The following GPATCH2L variants were observed in gnomAD, a reference collection of about 807,000 sequenced individuals.
GPATCH2L encodes G-patch domain containing 2 like, also known as G patch domain-containing protein 2-like.
In GPATCH2L, 31 loss-of-function variants were observed where a neutral mutation model predicts 57.4. The ratio of observed to expected loss-of-function variants is 0.54; its 90% CI spans 0.41 to 0.73. GPATCH2L has a LOEUF of 0.73. Ranked by LOEUF, GPATCH2L falls within the 30% of genes least tolerant of loss-of-function variation. The pLI, the probability that GPATCH2L is intolerant of heterozygous loss-of-function variation, is 0.00. For synonymous variants in GPATCH2L, 199 were observed against 210.7 expected (o/e 0.94, Z 0.48); for missense variants, 481 against 599.9 (o/e 0.80, Z 2.07).
chr14:76,172,281 A>G (rs2039121042), intron 4 of GPATCH2L, among the ~76,000 whole-genome samples: 1 of 152,252 alleles, frequency 6.6e-6, no homozygotes, highest in African/African-American at 2.4e-5. Context: ...CGTTTGTGCC[A>G]GATTTAGTGA....
intron 2 of GPATCH2L, among the ~76,000 whole-genome samples, chr14:76,165,419 G>A (rs1046684740): frequency 2.0e-5 from 3 of 151,250 alleles, no homozygotes; most frequent in Non-Finnish European, 2.9e-5. Context: ...TTGAACCTGG[G>A]TGGTGGAGGT....
intron 1 of GPATCH2L, among the ~76,000 whole-genome samples, chr14:76,224,958 T>C (rs2040530690): frequency 6.6e-6 from 1 of 152,088 alleles, no homozygotes; most frequent in Non-Finnish European, 1.5e-5. Flanking sequence ...ATGGAAAGCA[T>C]TACAGAGGAA....
intron 3 of GPATCH2L, 141 bp downstream of exon 3, chr14:76,166,868 G>A: frequency 1.5e-6 from 1 of 676,890 alleles, no homozygotes; most frequent in Non-Finnish European, 2.7e-6. Context: ...GTCACCTAGG[G>A]AACTGTTAAA....
chr14:76,177,766 T>C, intron 6 of GPATCH2L: 1 of 614,662 alleles, frequency 1.6e-6, no homozygotes, highest in South Asian at 1.9e-5. Context: ...TCTGATTACA[T>C]CTTTTCTCTA....
intron 1 of GPATCH2L, chr14:76,153,815 C>A (rs1344426219): frequency 6.6e-6 from 1 of 152,264 alleles, no homozygotes; most frequent in Non-Finnish European, 1.5e-5. Context: ...CTTTCTGTTT[C>A]TTTCTGCCAT....
Position 76,207,642 on chromosome 14 carries a change from T to G in GPATCH2L, c.*5791T>G, listed in dbSNP as rs2040394354. On this transcript the variant is annotated 3_prime_UTR_variant, in exon 10 of 10. Transcript: ENST00000261530. ...CTGAATCTCAGTACTTCAGAGCATGTAAAAATCAATTTTCTGTGATCCCAC... is the reference window on the plus strand; with the variant it reads ...CTGAATCTCAGTACTTCAGAGCATGGAAAAATCAATTTTCTGTGATCCCAC... The G allele has an allele frequency of 6.6e-6, 1 of 152,236 alleles. No individual in the cohort carries two copies. The highest frequency in any genetic ancestry group is 6.5e-5 in the Admixed American group (1 of 15,284). The allele number at this position is 152,236 out of a possible 1,614,324, so 9.4% of individuals were successfully genotyped here. A position where few individuals can be genotyped will look rare whatever the true frequency, so the allele number is the denominator to read the frequency against.
At chr14:76,166,500 T>C (rs1243330567) in intron 2 of GPATCH2L, among the ~76,000 whole-genome samples, 163 bp from the exon 3 acceptor site, 1 of 152,196 alleles carries the variant, frequency 6.6e-6, no homozygotes, top group Non-Finnish European at 1.5e-5. Flanking sequence ...TTCTTTTGTT[T>C]GGGGAGGAAA....
chr14:76,195,956 G>A lies in GPATCH2L; in HGVS notation c.1272G>A (p.Leu424=). 6.2e-7 allele frequency: 1 copy of A among 1,612,938 alleles called. No homozygotes were observed. The highest frequency in any genetic ancestry group is 8.5e-7 in the Non-Finnish European group (1 of 1,178,994). Residue 424 remains leucine, a synonymous_variant, in exon 9 of 10, where the codon TTG becomes TTA. Transcript: ENST00000261530. ...RKRKPVATAS[L]SSPSAVHMDA... is the part of the protein sequence containing the mutation. ...GGAAACCAGTGGCCACAGCATCTTT[G>A]TCTAGCCCCAGTGCAGGTGATTACA...
chr14:76,193,565 A>G (rs886129359), intron 8 of GPATCH2L, among the ~76,000 whole-genome samples: 5 of 152,196 alleles, frequency 3.3e-5, no homozygotes, highest in Non-Finnish European at 7.3e-5. Flanking sequence ...AGGGAAGAGT[A>G]CAAAGAAATA....
chr14:76,165,989 C>T (rs1274925909), intron 2 of GPATCH2L, among the ~76,000 whole-genome samples: 2 of 152,154 alleles, frequency 1.3e-5, no homozygotes, highest in African/African-American at 4.8e-5. Flanking sequence ...AGAAGCACAC[C>T]ATGAGAAGAA....
At chr14:76,173,021 C>G (rs920665852) in intron 4 of GPATCH2L, among the ~76,000 whole-genome samples, 4 of 152,170 alleles carry the variant, frequency 2.6e-5, no homozygotes, top group Non-Finnish European at 5.9e-5. Context: ...CCTATAATCT[C>G]ATATCCAGAG....
intron 9 of GPATCH2L, 58 bp downstream of exon 9, chr14:76,196,030 T>C (rs778277180): frequency 3.3e-6 from 4 of 1,230,232 alleles, no homozygotes; most frequent in East Asian, 4.6e-5. Context: ...CACTAAATTA[T>C]GTGTTTTGTA....
intron 8 of GPATCH2L, among the ~76,000 whole-genome samples, chr14:76,190,136 A>T (rs954354730): frequency 1.3e-5 from 2 of 151,822 alleles, no homozygotes; most frequent in East Asian, 3.9e-4. Context: ...CTAAAAGTAC[A>T]TTCCTGCCCC....
At chr14:76,185,739 G>T (rs6574276) in intron 8 of GPATCH2L, among the ~76,000 whole-genome samples, 1 of 152,200 alleles carries the variant, frequency 6.6e-6, no homozygotes, top group Non-Finnish European at 1.5e-5. Context: ...TAAATAAACT[G>T]TTTTTTCTTT....
chr14:76,224,665 CT>C (rs2040528978), intron 1 of GPATCH2L, among the ~76,000 whole-genome samples: 1 of 152,020 alleles, frequency 6.6e-6, no homozygotes, highest in Admixed American at 6.5e-5. Context: ...AAACATTGTA[CT>C]AGAGATCTTA....
chr14:76,172,690 A>C (rs570568118), intron 4 of GPATCH2L, among the ~76,000 whole-genome samples: 49 of 152,340 alleles, frequency 3.2e-4, no homozygotes, highest in African/African-American at 1.2e-3. Context: ...TTCTTTTAGC[A>C]CTATAAATTT....
At position 76,212,997 on chromosome 14, in the gene GPATCH2L, T is replaced by C. The variant is rs531779303; in HGVS notation, c.*11146T>C. 2 of 152,172 alleles carry C rather than the reference T, an allele frequency of 1.3e-5. No homozygotes were observed. The highest frequency in any genetic ancestry group is 4.1e-4 in the South Asian group (2 of 4,832). The allele number at this position is 152,172 out of a possible 1,614,324, so 9.4% of individuals were successfully genotyped here. A position where few individuals can be genotyped will look rare whatever the true frequency, so the allele number is the denominator to read the frequency against. On this transcript the variant is annotated 3_prime_UTR_variant, in exon 10 of 10. Coordinates refer to ENST00000261530, the MANE Select transcript of GPATCH2L (RefSeq NM_017926.4). ...TTCCTCTGAGATACAAATAAAACAGTGCTCAGAGGAAAATTCATTGCCCTA... is the reference window on the plus strand; with the variant it reads ...TTCCTCTGAGATACAAATAAAACAGCGCTCAGAGGAAAATTCATTGCCCTA...
chr14:76,194,618 C>T (rs2040089743), intron 8 of GPATCH2L, among the ~76,000 whole-genome samples: 2 of 152,120 alleles, frequency 1.3e-5, no homozygotes, highest in South Asian at 4.1e-4. Context: ...TGTTGCCTTG[C>T]TAACCAGGTT....
At chr14:76,155,073 C>G (rs765980982) in intron 2 of GPATCH2L, 48 bp downstream of exon 2, 4 of 1,480,184 alleles carry the variant, frequency 2.7e-6, no homozygotes, top group Non-Finnish European at 3.7e-6. Flanking sequence ...TAATTTTTCC[C>G]AAAGTGCACA....
Sources: allele counts gnomAD v4.1 joint callset (sites outside exome capture counted in the v4.1 genomes callset), GRCh38; gene constraint gnomAD v4.1.1; transcripts MANE v1.5; gene names NCBI Gene and HGNC (gene_info 2026-07-23, HGNC 2026-07-21).